Variants in GABBR2 observed in about 807,000 individuals in gnomAD.
GABBR2 encodes the protein G-protein coupled receptor 51.
GABBR2 carries 23 observed loss-of-function variants against 105.6 expected under a neutral mutation model. That is an observed-to-expected ratio of 0.22 (90% CI 0.16 to 0.31). The LOEUF is 0.31. Ranked by LOEUF, GABBR2 falls within the 10% of genes least tolerant of loss-of-function variation. The pLI is 1.00. For synonymous variants in GABBR2, 478 were observed against 499.7 expected, an observed-to-expected ratio of 0.96 and a Z score of 0.58; for missense variants, 734 against 1,245.5, an observed-to-expected ratio of 0.59 and a Z score of 6.18.
chr9:98,384,944 C>A (rs185119664), intron 11 of GABBR2, among the ~76,000 whole-genome samples: 3 of 152,130 alleles, frequency 2.0e-5, no homozygotes, highest in African/African-American at 4.8e-5. Context: ...AGGAAAAAAC[C>A]GTTGAAGAAA....
intron 1 of GABBR2, among the ~76,000 whole-genome samples, chr9:98,578,898 C>A (rs1309885396): frequency 2.6e-5 from 4 of 152,154 alleles, no homozygotes; most frequent in African/African-American, 4.8e-5. Flanking sequence ...ATGAGGTTAT[C>A]TACAGTAGTT....
intron 2 of GABBR2, among the ~76,000 whole-genome samples, chr9:98,558,226 CT>C (rs1828616059): frequency 1.3e-5 from 2 of 152,154 alleles, no homozygotes; most frequent in Middle Eastern, 3.2e-3. Context: ...AGCAAAAAAC[CT>C]TTTTGTGTAT....
chr9:98,511,533 G>T (rs1013988604), intron 3 of GABBR2, among the ~76,000 whole-genome samples: 13 of 150,008 alleles, frequency 8.7e-5, no homozygotes, highest in African/African-American at 3.2e-4. Flanking sequence ...GAAGAAAAGA[G>T]AGAAGAATCA....
chr9:98,304,296 T>G (rs13290518), intron 15 of GABBR2: 39,006 of 152,052 alleles, frequency 0.26, 5,285 homozygotes, highest in South Asian at 0.4. Flanking sequence ...AGGCCTGGGG[T>G]AAATGGAAGG....
Position 98,388,953 on chromosome 9 carries a change from A to C in GABBR2, c.1430T>G (p.Ile477Ser). The change falls in exon 10 of 19, where the codon ATC becomes AGC. Residue 477 changes from isoleucine to serine, a missense_variant. Physicochemically the swap from Ile to Ser is moderately radical, Grantham distance 142. Coordinates refer to ENST00000259455, the MANE Select transcript of GABBR2 (RefSeq NM_005458.8). This position sits in a 1 kb window ranked among gnomAD's most constrained non-coding sequence, Gnocchi z 4.4. Reference sequence around the variant, plus strand: ...GAGGATGCTGTAGAGAGGTAGGGAGATCTTCCGCAGCTGCTCCAGGATGAT... The same window carrying C: ...GAGGATGCTGTAGAGAGGTAGGGAGCTCTTCCGCAGCTGCTCCAGGATGAT... ...KTIILEQLRK[I>S]SLPLYSILSA... The C allele has an allele frequency of 6.2e-7, 1 of 1,613,354 alleles. No homozygotes were observed. Among genetic ancestry groups the C allele is most frequent in the Non-Finnish European group, 8.5e-7 (1 of 1,179,538 alleles).
chr9:98,458,978 T>A (rs1298268724), intron 6 of GABBR2, among the ~76,000 whole-genome samples: 2 of 152,222 alleles, frequency 1.3e-5, no homozygotes, highest in Non-Finnish European at 2.9e-5. Flanking sequence ...GGCAGAACTT[T>A]CCACTTAGGG....
intron 12 of GABBR2, among the ~76,000 whole-genome samples, chr9:98,363,594 C>T (rs487422): frequency 0.44 from 66,202 of 151,952 alleles, 16,809 homozygotes; most frequent in African/African-American, 0.71. Context: ...TACATGTCTT[C>T]CCTCCTCAGT....
chr9:98,293,669 T>A, intron 18 of GABBR2, 116 bp downstream of exon 18: 2 of 641,364 alleles, frequency 3.1e-6, no homozygotes, highest in Non-Finnish European at 5.6e-6. Context: ...CATCATGGGA[T>A]GGCTGTGGAA....
intron 7 of GABBR2, among the ~76,000 whole-genome samples, chr9:98,451,979 C>T (rs1826239578): frequency 6.6e-6 from 1 of 152,196 alleles, no homozygotes; most frequent in Non-Finnish European, 1.5e-5. Context: ...CACAGAAATC[C>T]CTCTGGGCTC....
chr9:98,320,598 A>C (rs1830802385), intron 13 of GABBR2, among the ~76,000 whole-genome samples: 1 of 152,184 alleles, frequency 6.6e-6, no homozygotes, highest in African/African-American at 2.4e-5. Flanking sequence ...ACAACGATAG[A>C]CTGGGTTAAG....
intron 3 of GABBR2, among the ~76,000 whole-genome samples, chr9:98,499,136 C>T (rs1474633326): frequency 6.6e-6 from 1 of 152,262 alleles, no homozygotes; most frequent in Non-Finnish European, 1.5e-5. Flanking sequence ...TAAAGTTCTA[C>T]ACACCACTTA....
intron 13 of GABBR2, among the ~76,000 whole-genome samples, chr9:98,320,279 TACCATCTCAC>T (rs1830796334): frequency 6.6e-6 from 1 of 151,684 alleles, no homozygotes. Context: ...GACAATGAGA[TACCATCTCAC>T]ACCAGTTAGA....
chr9:98,697,469 C>T (rs2131883621), intron 1 of GABBR2, among the ~76,000 whole-genome samples: 1 of 140,710 alleles, frequency 7.1e-6, no homozygotes, highest in East Asian at 2.1e-4. Context: ...CCAGCCTGGG[C>T]GACAGAGCGA....
intron 1 of GABBR2, among the ~76,000 whole-genome samples, chr9:98,657,643 G>A (rs1032468831): frequency 1.3e-5 from 2 of 152,384 alleles, no homozygotes; most frequent in African/African-American, 4.8e-5. Context: ...TCTGATGACA[G>A]TGAAATGATA....
At chr9:98,426,927 G>A (rs775050223) in intron 7 of GABBR2, among the ~76,000 whole-genome samples, 109 of 152,222 alleles carry the variant, frequency 7.2e-4, no homozygotes, top group Non-Finnish European at 1.3e-3. Flanking sequence ...TGCTTGAGCC[G>A]GGGAGGTGGA....
At chr9:98,422,337 C>T (rs903262791) in intron 7 of GABBR2, among the ~76,000 whole-genome samples, 5 of 152,180 alleles carry the variant, frequency 3.3e-5, no homozygotes, top group Admixed American at 6.5e-5. Flanking sequence ...GGGCCTCAGG[C>T]ACTTCTGGTG....
intron 13 of GABBR2, among the ~76,000 whole-genome samples, chr9:98,324,601 C>T (rs572252160): frequency 1.6e-4 from 25 of 151,688 alleles, no homozygotes; most frequent in African/African-American, 6.1e-4. Context: ...TTCAGAGAGG[C>T]GAGTGCACTG....
intron 13 of GABBR2, among the ~76,000 whole-genome samples, chr9:98,322,316 T>C (rs1279775365): frequency 6.6e-6 from 1 of 152,122 alleles, no homozygotes; most frequent in East Asian, 1.9e-4. Flanking sequence ...CCAGCCTTTC[T>C]CATTCTTCAA....
intron 8 of GABBR2, among the ~76,000 whole-genome samples, chr9:98,398,762 C>T (rs1832338857): frequency 6.6e-6 from 1 of 152,234 alleles, no homozygotes; most frequent in African/African-American, 2.4e-5. Flanking sequence ...CATTACCTCT[C>T]AGCAGCATAG....
Sources: gnomAD v4.1 joint callset for allele counts (sites outside exome capture counted in the v4.1 genomes callset) on GRCh38, gnomAD v4.1.1 for gene constraint, Gnocchi (gnomAD v3.1) non-coding constraint, MANE v1.5 for transcripts, NCBI Gene and HGNC (gene_info 2026-07-23, HGNC 2026-07-21) for gene names.